Variants in HADHA observed in about 807,000 individuals in gnomAD.
HADHA encodes trifunctional enzyme subunit alpha, mitochondrial.
HADHA carries 59 observed loss-of-function variants against 91.3 expected under a neutral mutation model. That is an observed-to-expected ratio of 0.65 (90% CI 0.52 to 0.80). The LOEUF (loss-of-function observed/expected upper bound fraction) is 0.80. Ranked by LOEUF, HADHA falls within the 30% of genes least tolerant of loss-of-function variation. The probability of loss-of-function intolerance (pLI) is 0.00; values close to 1 mark genes in which losing one functional copy is unlikely to be tolerated. For synonymous variants in HADHA, 320 were observed against 338.9 expected (o/e 0.94, Z 0.61); for missense variants, 800 against 927.6 (o/e 0.86, Z 1.79).
chr2:26,228,996 A>G (rs1670547823), intron 7 of HADHA, among the ~76,000 whole-genome samples: 1 of 152,106 alleles, frequency 6.6e-6, no homozygotes, highest in South Asian at 2.1e-4. Context: ...GGATTGTGGC[A>G]GTGTTTACAC....
At chr2:26,244,037 A>G (rs1251645852) in intron 1 of HADHA, among the ~76,000 whole-genome samples, 1 of 152,274 alleles carries the variant, frequency 6.6e-6, no homozygotes, top group African/African-American at 2.4e-5. Flanking sequence ...AAGCACAAAA[A>G]TGGTTTTGAG....
At chr2:26,193,062 G>A (rs1213578890) in intron 17 of HADHA, among the ~76,000 whole-genome samples, 1 of 152,136 alleles carries the variant, frequency 6.6e-6, no homozygotes, top group Admixed American at 6.6e-5. Flanking sequence ...GGCCTCAACT[G>A]TATACTGTGT....
At chr2:26,238,669 T>C (rs1670818754) in intron 3 of HADHA, among the ~76,000 whole-genome samples, 1 of 151,968 alleles carries the variant, frequency 6.6e-6, no homozygotes, top group Non-Finnish European at 1.5e-5. Flanking sequence ...TCTTCTCTAA[T>C]AAGTCACCTC....
At position 26,236,979 on chromosome 2, in the gene HADHA, G is replaced by C. The variant is rs1670778718; in HGVS notation, c.190C>G (p.Leu64Val). The C allele has an allele frequency of 1.2e-6, 2 of 1,608,442 alleles. No homozygotes were observed. The highest frequency in any genetic ancestry group is 1.3e-5 in the African/African-American group (1 of 74,798). ...AACTCTGAATGTAGCTCTTTACTCA[G>C]TGTATTTACCTGCCAAAGGGAAATA... ...INSPNSKVNT[L>V]SKELHSEFSE... The change falls in exon 4 of 20, where the codon CTG becomes GTG. Residue 64 changes from leucine (L) to valine (V), a missense_variant. Transcript: ENST00000380649.
At chr2:26,196,613 C>T (rs6730317) in intron 14 of HADHA, among the ~76,000 whole-genome samples, 122,507 of 151,548 alleles carry the variant, frequency 0.81, 49,674 homozygotes, top group African/African-American at 0.89. Flanking sequence ...CCCGGGCAAA[C>T]CAAGATGGTT....
chr2:26,205,735 C>T (rs774013438), intron 11 of HADHA, among the ~76,000 whole-genome samples: 19 of 151,876 alleles, frequency 1.3e-4, no homozygotes, highest in Admixed American at 2.0e-4. Flanking sequence ...ACCTGGGAGG[C>T]GGAGGTTGCA....
In HADHA at chr2:26,191,333, C is replaced by T. The variant is rs770871669; in HGVS notation, c.2209G>A (p.Glu737Lys). 3 of 1,613,988 alleles carry T rather than the reference C, an allele frequency of 1.9e-6. No individual in the cohort carries two copies. Among genetic ancestry groups the T allele is most frequent in the African/African-American group, 1.3e-5 (1 of 74,902 alleles). The change falls in exon 20 of 20, where the codon GAA (glutamate) becomes AAA (lysine). Residue 737 changes from glutamate (E) to lysine (K), a missense_variant. Transcript: ENST00000380649. ...GTGAACTGTTTTCCATAGGCAGCTTCATATTTCTTGAGCCGGTCCACTATC... is the reference window on the plus strand; with the variant it reads ...GTGAACTGTTTTCCATAGGCAGCTTTATATTTCTTGAGCCGGTCCACTATC... ...QKIVDRLKKYEAAYGKQFTPC... is the reference protein window; with the variant it reads ...QKIVDRLKKYKAAYGKQFTPC...
chr2:26,200,995 C>T, intron 13 of HADHA, among the ~76,000 whole-genome samples, 154 bp downstream of exon 13: 1 of 152,056 alleles, frequency 6.6e-6, no homozygotes, highest in East Asian at 1.9e-4. Context: ...GCCTCCCAAA[C>T]TACTGGGATT....
Position 26,198,536 on chromosome 2 carries a change from A to G in HADHA, c.1393-759T>C, listed in dbSNP as rs550479061. Among the ~76,000 whole-genome samples, 10 of 152,226 alleles carry G rather than the reference A, an allele frequency of 6.6e-5. No homozygotes were observed. In the South Asian group the frequency reaches 2.1e-3, roughly 32 times the overall value. ...GAAGGGACACCTGTCAAATGTGTGC[A>G]AATCTGGAACAGGCAGAATCCTAAC... On this transcript the variant is annotated intron_variant, in intron 13 of 19. Coordinates refer to ENST00000380649, the MANE Select transcript of HADHA (RefSeq NM_000182.5).
At chr2:26,243,529 C>G (rs1670973509) in intron 1 of HADHA, among the ~76,000 whole-genome samples, 2 of 151,466 alleles carry the variant, frequency 1.3e-5, no homozygotes, top group Admixed American at 1.3e-4. Context: ...AAAAAGGGAG[C>G]AGAAAAATAT....
intron 7 of HADHA, among the ~76,000 whole-genome samples, chr2:26,223,223 C>T (rs866139249): frequency 5.3e-5 from 8 of 152,110 alleles, no homozygotes; most frequent in South Asian, 2.1e-4. Flanking sequence ...CAGCAGAGGG[C>T]GGGTACTGTA....
intron 7 of HADHA, 149 bp from the exon 8 acceptor site, chr2:26,215,324 A>T (rs1670189817): frequency 1.3e-6 from 1 of 755,240 alleles, no homozygotes; most frequent in East Asian, 2.5e-5. Context: ...TAAACCAAGA[A>T]GTCAAAGAAG....
In HADHA at chr2:26,236,906, G is replaced by A; in HGVS notation, c.263C>T (p.Ala88Val). 1.2e-6 allele frequency: 2 copies of A among 1,610,774 alleles called. No individual in the cohort carries two copies. Among genetic ancestry groups the A allele is most frequent in the South Asian group, 1.1e-5 (1 of 91,000 alleles). ...GCCTGGCTTTGATGAGATAAGGACGGCACTTCTGATTTGATCACTAGCCCA... is the reference window on the plus strand; with the variant it reads ...GCCTGGCTTTGATGAGATAAGGACGACACTTCTGATTTGATCACTAGCCCA... ...EIWASDQIRS[A>V]VLISSKPGCF... The change falls in exon 4 of 20, where the codon GCC (alanine) becomes GTC (valine). Residue 88 changes from alanine (A) to valine (V), a missense_variant. Ala to Val is a moderately conservative substitution (Grantham distance 64, BLOSUM62 0). Coordinates refer to ENST00000380649, the MANE Select transcript of HADHA (RefSeq NM_000182.5).
intron 4 of HADHA, 25 bp from the exon 5 acceptor site, chr2:26,234,380 A>C (rs754444020): frequency 6.2e-7 from 1 of 1,604,730 alleles, no homozygotes; most frequent in Non-Finnish European, 8.5e-7. Flanking sequence ...AAAGTAGAGA[A>C]CAGAGAAAAA....
intron 4 of HADHA, among the ~76,000 whole-genome samples, chr2:26,236,361 A>ATG (rs1213164096): frequency 9.3e-6 from 1 of 107,924 alleles, no homozygotes; most frequent in Non-Finnish European, 2.0e-5. Context: ...GTGTGTGTGT[A>ATG]TATATATATA....
At chr2:26,216,763 G>A (rs1364655786) in intron 7 of HADHA, among the ~76,000 whole-genome samples, 2 of 152,186 alleles carry the variant, frequency 1.3e-5, no homozygotes, top group Non-Finnish European at 2.9e-5. Flanking sequence ...AATCTGTGAC[G>A]TGAAATGCTG....
At position 26,235,494 on chromosome 2, in the gene HADHA, A is replaced by G. The variant is rs185153425; in HGVS notation, c.315-1139T>C. On this transcript the variant is annotated intron_variant, in intron 4 of 19. Transcript: ENST00000380649. ...GAGAGTTGCTCAGCTGGCCTCATAG[A>G]AGCTACATGTATTTTCCTCTGGATA... 3.3e-5 allele frequency among the ~76,000 whole-genome samples: 5 copies of G among 152,336 alleles called. No individual in the cohort carries two copies. In the East Asian group the frequency reaches 9.6e-4, roughly 29 times the overall value.
At chr2:26,206,303 A>G (rs952969912) in intron 11 of HADHA, among the ~76,000 whole-genome samples, 2 of 149,012 alleles carry the variant, frequency 1.3e-5, no homozygotes, top group Non-Finnish European at 3.0e-5. Flanking sequence ...ATCTCAGCTC[A>G]TTGCAACCTC....
At chr2:26,206,354 G>C (rs80107006) in intron 11 of HADHA, among the ~76,000 whole-genome samples, 1 of 151,438 alleles carries the variant, frequency 6.6e-6, no homozygotes, top group Admixed American at 6.6e-5. Flanking sequence ...TCAGACTCCC[G>C]AGGAGCTGGG....
Sources: allele counts gnomAD v4.1 joint callset (sites outside exome capture counted in the v4.1 genomes callset), GRCh38; gene constraint gnomAD v4.1.1; transcripts MANE v1.5; gene names NCBI Gene and HGNC (gene_info 2026-07-23, HGNC 2026-07-21).